The following PCDHGA1 variants were observed in gnomAD, a reference collection of about 807,000 sequenced individuals.
PCDHGA1 encodes the protein protocadherin gamma-A1.
Under a neutral mutation model 58.0 loss-of-function variants are expected in PCDHGA1, and 32 were observed. The observed-to-expected ratio is 0.55, with a 90% CI of 0.42 to 0.74. PCDHGA1 has a LOEUF of 0.74. Among genes scored for constraint, PCDHGA1 ranks in the 30% least tolerant of loss-of-function variants. The pLI is 0.00. For missense variants in PCDHGA1, 1,205 were observed against 1,182.3 expected (o/e 1.02, Z -0.28); for synonymous variants, 498 against 501.1 (o/e 0.99, Z 0.08).
At position 141,410,109 on chromosome 5, in the gene PCDHGA1, A is replaced by T. The variant is rs771550139; in HGVS notation, c.2421+77004A>T. On this transcript the variant is annotated intron_variant, in intron 1 of 3. Transcript: ENST00000517417. ...ACGGCTCGAGCCTTAGGCGACAGGG[A>T]CGCAGCCCGCCAGCGCCTGCTGGTC... is the stretch of plus-strand genomic sequence containing the variant. 9.9e-6 allele frequency: 16 copies of T among 1,612,380 alleles called. 1 individual carries two copies. The South Asian group carries it at 1.6e-4, about 17-fold the overall frequency.
chr5:141,383,111 G>T, intron 1 of PCDHGA1: 1 of 1,614,040 alleles, frequency 6.2e-7, no homozygotes, highest in Non-Finnish European at 8.5e-7. Context: ...TCCAGAGGTA[G>T]GACGCAGCTT....
chr5:141,370,196 T>C (rs1298112145), intron 1 of PCDHGA1: 4 of 533,354 alleles, frequency 7.5e-6, no homozygotes, highest in Admixed American at 3.6e-5. Context: ...GCTAGTGCTG[T>C]GCAAAATATT....
At chr5:141,348,417 C>A (rs903044616) in intron 1 of PCDHGA1, among the ~76,000 whole-genome samples, 42 of 151,868 alleles carry the variant, frequency 2.8e-4, no homozygotes, top group African/African-American at 9.4e-4. Flanking sequence ...GAAAAAGGCA[C>A]GTAACTTTTA....
At chr5:141,506,444 C>CAAA (rs1219684339) in intron 3 of PCDHGA1, among the ~76,000 whole-genome samples, 2 of 95,018 alleles carry the variant, frequency 2.1e-5, no homozygotes, top group African/African-American at 7.9e-5. Context: ...CGCTCTGTCT[C>CAAA]AAAAAAAAAA....
At position 141,355,934 on chromosome 5, in the gene PCDHGA1, C is replaced by T. The variant is rs757693258; in HGVS notation, c.2421+22829C>T. The T allele has an allele frequency of 1.9e-6, 3 of 1,613,710 alleles. No individual in the cohort carries two copies. In the East Asian group the frequency reaches 6.7e-5, roughly 36 times the overall value. On this transcript the variant is annotated intron_variant, in intron 1 of 3. Transcript: ENST00000517417. Reference sequence around the variant, plus strand: ...GATAATGCTCCCGTGTTCACTCAGCCCGAGTACCACGTAAGTGTTCGTGAG... The same window carrying T: ...GATAATGCTCCCGTGTTCACTCAGCTCGAGTACCACGTAAGTGTTCGTGAG...
At chr5:141,364,489 G>T in intron 1 of PCDHGA1, 1 of 1,614,034 alleles carries the variant, frequency 6.2e-7, no homozygotes, top group Non-Finnish European at 8.5e-7. Flanking sequence ...AGGACCTTGG[G>T]CTGGAGCCCC....
At chr5:141,365,941 T>A (rs1175439180) in intron 1 of PCDHGA1, 1 of 1,614,152 alleles carries the variant, frequency 6.2e-7, no homozygotes, top group East Asian at 2.2e-5. Context: ...CCAGCGACAG[T>A]GGGAACCCTC....
chr5:141,374,622 T>A, intron 1 of PCDHGA1: 3 of 1,613,470 alleles, frequency 1.9e-6, no homozygotes, highest in Non-Finnish European at 2.5e-6. Context: ...CACTTCTCAG[T>A]GGACGTGCAA....
Position 141,491,913 on chromosome 5 carries a change from T to C in PCDHGA1, c.2422-2894T>C, listed in dbSNP as rs2099735120. 2.1e-6 allele frequency: 3 copies of C among 1,398,206 alleles called. No homozygotes were observed. Among genetic ancestry groups the C allele is most frequent in the Non-Finnish European group, 2.9e-6 (3 of 1,051,918 alleles). The allele number at this position is 1,398,206 out of a possible 1,614,324, so 86.6% of individuals were successfully genotyped here. On this transcript the variant is annotated intron_variant, in intron 1 of 3. Coordinates refer to ENST00000517417, the MANE Select transcript of PCDHGA1 (RefSeq NM_018912.3). The surrounding 1 kb of genome is among the most constrained non-coding windows in gnomAD (Gnocchi z 6.9). ...TCCGAGCACCGGGGGTGGTGGCGAC[T>C]GTGGGCGAGGGGAGGTGGGACCGAC... is the stretch of plus-strand genomic sequence containing the variant.
At chr5:141,404,807 G>A (rs1226563047) in intron 1 of PCDHGA1, 1 of 1,613,924 alleles carries the variant, frequency 6.2e-7, no homozygotes, top group Non-Finnish European at 8.5e-7. Flanking sequence ...GCTCTTCTCG[G>A]TGGGGCTGCA....
rs1399844519 is a variant in PCDHGA1 at position 141,477,484 on chromosome 5, A to G, written c.2422-17323A>G. 1.2e-6 allele frequency: 2 copies of G among 1,614,014 alleles called. No homozygotes were observed. The highest frequency in any genetic ancestry group is 1.7e-6 in the Non-Finnish European group (2 of 1,180,006). ...CCGACATCAATGACAACCCTCCACAATCTTCTCAATCTTCCTACGACGTTT... is the reference window on the plus strand; with the variant it reads ...CCGACATCAATGACAACCCTCCACAGTCTTCTCAATCTTCCTACGACGTTT... On this transcript the variant is annotated intron_variant, in intron 1 of 3. Coordinates refer to ENST00000517417, the MANE Select transcript of PCDHGA1 (RefSeq NM_018912.3). This position sits in a 1 kb window ranked among gnomAD's most constrained non-coding sequence, Gnocchi z 4.9.
intron 1 of PCDHGA1, chr5:141,389,112 C>A (rs376966829): frequency 1.5e-5 from 25 of 1,613,966 alleles, no homozygotes; most frequent in Non-Finnish European, 2.0e-5. Context: ...TGTTCTAGAC[C>A]GCGAGCAGAA....
At chr5:141,396,060 G>A (rs1309175410) in intron 1 of PCDHGA1, 1 of 152,318 alleles carries the variant, frequency 6.6e-6, no homozygotes, top group East Asian at 1.9e-4. Flanking sequence ...CCAATTAGCT[G>A]TTTCGGTTGT....
In PCDHGA1 at chr5:141,334,423, C is replaced by G; in HGVS notation, c.2421+1318C>G. 1 of 138,758 alleles carries G rather than the reference C, an allele frequency of 7.2e-6. No individual in the cohort carries two copies. Among genetic ancestry groups the G allele is most frequent in the East Asian group, 2.2e-4 (1 of 4,484 alleles). The allele number at this position is 138,758 out of a possible 1,614,324, so 8.6% of individuals were successfully genotyped here. A position where few individuals can be genotyped will look rare whatever the true frequency, so the allele number is the denominator to read the frequency against. On this transcript the variant is annotated intron_variant, in intron 1 of 3. Coordinates refer to ENST00000517417, the MANE Select transcript of PCDHGA1 (RefSeq NM_018912.3). This position sits in a 1 kb window ranked among gnomAD's most constrained non-coding sequence, Gnocchi z 4.6. The stretch of plus-strand genomic sequence containing the variant: ...GAAAGATCCTTGGAGCCCTGGAGTT[C>G]AAGACCAGCCGGACAGGGCGGCCTG...
At chr5:141,350,814 G>C (rs1758567733) in intron 1 of PCDHGA1, 3 of 1,613,904 alleles carry the variant, frequency 1.9e-6, no homozygotes, top group Non-Finnish European at 2.5e-6. Flanking sequence ...AGTCCTGATG[G>C]AAGTAAATAT....
At chr5:141,501,557 G>A (rs192507373) in intron 2 of PCDHGA1, among the ~76,000 whole-genome samples, 1 of 152,124 alleles carries the variant, frequency 6.6e-6, no homozygotes, top group Non-Finnish European at 1.5e-5. Context: ...CATAGGCCCT[G>A]GAATCATATT....
intron 1 of PCDHGA1, among the ~76,000 whole-genome samples, chr5:141,348,478 C>T (rs746953657): frequency 9.2e-5 from 14 of 151,996 alleles, no homozygotes; most frequent in Non-Finnish European, 1.3e-4. Context: ...ATCACTTTCC[C>T]TGTAAGGAGA....
At chr5:141,380,058 C>T (rs1231461261) in intron 1 of PCDHGA1, among the ~76,000 whole-genome samples, 2 of 151,888 alleles carry the variant, frequency 1.3e-5, no homozygotes, top group Admixed American at 1.3e-4. Context: ...TGCCACCATG[C>T]CTAGCTAATT....
intron 1 of PCDHGA1, chr5:141,404,805 C>G (rs770534822): frequency 1.3e-5 from 21 of 1,613,960 alleles, no homozygotes; most frequent in Non-Finnish European, 1.8e-5. Context: ...GGGCTCTTCT[C>G]GGTGGGGCTG....
Sources: allele counts gnomAD v4.1 joint callset (sites outside exome capture counted in the v4.1 genomes callset), GRCh38; gene constraint gnomAD v4.1.1; non-coding constraint Gnocchi (gnomAD v3.1); transcripts MANE v1.5; gene names NCBI Gene and HGNC (gene_info 2026-07-23, HGNC 2026-07-21).